The following SLC26A5 variants were observed in gnomAD, a reference collection of about 807,000 sequenced individuals.
SLC26A5 encodes prestin.
In SLC26A5, 51 loss-of-function variants were observed where a neutral mutation model predicts 81.0. The ratio of observed to expected loss-of-function variants is 0.63; its 90% CI spans 0.50 to 0.80. SLC26A5 has a LOEUF of 0.80. Ranked by LOEUF, SLC26A5 falls within the 30% of genes least tolerant of loss-of-function variation. SLC26A5 has a pLI of 0.00. For missense variants in SLC26A5, 771 were observed against 905.8 expected (o/e 0.85, Z 1.91); for synonymous variants, 325 against 332.8 (o/e 0.98, Z 0.25).
At chr7:103,440,969 T>C (rs1166672237) in intron 2 of SLC26A5, among the ~76,000 whole-genome samples, 1 of 152,178 alleles carries the variant, frequency 6.6e-6, no homozygotes, top group Non-Finnish European at 1.5e-5. Context: ...CAGCACTGCA[T>C]GCACTGTGTA....
chr7:103,362,657 A>G (rs1309089457), intron 19 of SLC26A5: 5 of 1,556,456 alleles, frequency 3.2e-6, no homozygotes, highest in Non-Finnish European at 4.4e-6. Flanking sequence ...TAAAGAATGT[A>G]TTAATGACTA....
chr7:103,443,379 A>G (rs1392351418), intron 1 of SLC26A5, among the ~76,000 whole-genome samples, 168 bp from the exon 2 acceptor site: 1 of 152,132 alleles, frequency 6.6e-6, no homozygotes, highest in East Asian at 1.9e-4. Flanking sequence ...GCGATAGACT[A>G]ATTATATATA....
chr7:103,393,646 T>C (rs1356510678), intron 9 of SLC26A5, among the ~76,000 whole-genome samples: 1 of 151,964 alleles, frequency 6.6e-6, no homozygotes, highest in East Asian at 1.9e-4. Context: ...AGCAGAAGAC[T>C]ATACTCCTTG....
At chr7:103,432,516 ATATT>A (rs1554349100) in intron 2 of SLC26A5, among the ~76,000 whole-genome samples, 1 of 152,198 alleles carries the variant, frequency 6.6e-6, no homozygotes, top group Non-Finnish European at 1.5e-5. Flanking sequence ...TTTTTTAAAA[ATATT>A]TAAAGCCTAT....
intron 19 of SLC26A5, among the ~76,000 whole-genome samples, chr7:103,356,684 T>C (rs1341217175): frequency 6.6e-6 from 1 of 152,382 alleles, no homozygotes; most frequent in East Asian, 1.9e-4. Context: ...ATTGTACATA[T>C]TGTCTTTTCT....
At chr7:103,380,969 TACC>T (rs981268835) in intron 14 of SLC26A5, among the ~76,000 whole-genome samples, 4 of 150,264 alleles carry the variant, frequency 2.7e-5, no homozygotes, top group South Asian at 2.1e-4. Flanking sequence ...CATGCATACA[TACC>T]ACATGTATAA....
In SLC26A5 at chr7:103,378,532, T is replaced by C. The variant is rs146547672; in HGVS notation, c.1699A>G (p.Ile567Val). ...ATGGCCTTTCTCCTTGCTCCCATGA[T>C]GACTGCTGGGTTCACTCCAGTCTTT... ...KRKTGVNPAV[I>V]MGARRKAMRK... is the part of the protein sequence containing the mutation. Residue 567 changes from isoleucine to valine, a missense_variant, in exon 17 of 20, where the codon ATC becomes GTC. By Grantham distance (29) the Ile-to-Val change is conservative. Coordinates refer to ENST00000306312, the MANE Select transcript of SLC26A5 (RefSeq NM_198999.3). The C allele has an allele frequency of 4.7e-4, 765 of 1,614,172 alleles. No homozygotes were observed. The highest frequency in any genetic ancestry group is 5.9e-4 in the Non-Finnish European group (700 of 1,180,000).
intron 2 of SLC26A5, among the ~76,000 whole-genome samples, chr7:103,430,358 C>G (rs150817608): frequency 6.6e-6 from 1 of 152,172 alleles, no homozygotes; most frequent in African/African-American, 2.4e-5. Context: ...GGATTACAGG[C>G]GTGAGCCAAC....
In SLC26A5 at chr7:103,391,162, C is replaced by A. The variant is rs746789406; in HGVS notation, c.1233+460G>T. On this transcript the variant is annotated intron_variant, in intron 11 of 19. Coordinates refer to ENST00000306312, the MANE Select transcript of SLC26A5 (RefSeq NM_198999.3). ...ACAGGCATGAGCTACCGCACTTGGC[C>A]GGCCATTTACATTTGTAAAAATTAA... is the stretch of plus-strand genomic sequence containing the variant. Among the ~76,000 whole-genome samples, 198 of 152,256 alleles carry A rather than the reference C, an allele frequency of 1.3e-3. 1 individual carries two copies. The highest frequency in any genetic ancestry group is 8.2e-4 in the Non-Finnish European group (56 of 68,030).
At chr7:103,435,390 C>T (rs750120916) in intron 2 of SLC26A5, among the ~76,000 whole-genome samples, 17 of 152,036 alleles carry the variant, frequency 1.1e-4, no homozygotes, top group Admixed American at 2.6e-4. Context: ...TTAAGGATTT[C>T]GTTTGTTTTT....
At chr7:103,383,291 G>T (rs991750914) in intron 14 of SLC26A5, among the ~76,000 whole-genome samples, 2 of 152,240 alleles carry the variant, frequency 1.3e-5, no homozygotes, top group South Asian at 2.1e-4. Flanking sequence ...AAGTACAGGA[G>T]TAGCTGAGAT....
At chr7:103,365,195 T>C (rs1820647468) in intron 19 of SLC26A5, among the ~76,000 whole-genome samples, 2 of 152,056 alleles carry the variant, frequency 1.3e-5, no homozygotes, top group South Asian at 4.1e-4. Flanking sequence ...GAATGGTTCC[T>C]TTATTTAACT....
At chr7:103,429,920 T>C (rs1322346904) in intron 2 of SLC26A5, among the ~76,000 whole-genome samples, 1 of 152,172 alleles carries the variant, frequency 6.6e-6, no homozygotes, top group African/African-American at 2.4e-5. Flanking sequence ...GCAAAAGTGA[T>C]TGTGGTTTTT....
intron 9 of SLC26A5, among the ~76,000 whole-genome samples, 167 bp downstream of exon 9, chr7:103,397,762 TTAC>T (rs564731099): frequency 3.3e-5 from 5 of 151,962 alleles, no homozygotes; most frequent in Non-Finnish European, 5.9e-5. Context: ...TATGTGTTTT[TTAC>T]TACAATAAAA....
intron 2 of SLC26A5, among the ~76,000 whole-genome samples, chr7:103,433,851 C>T (rs993020193): frequency 3.3e-5 from 5 of 151,692 alleles, no homozygotes; most frequent in Middle Eastern, 6.8e-3. Context: ...TACAGGTGCC[C>T]GCCACCACAC....
At chr7:103,426,364 G>T (rs1484498020) in intron 2 of SLC26A5, among the ~76,000 whole-genome samples, 2 of 152,190 alleles carry the variant, frequency 1.3e-5, no homozygotes, top group Admixed American at 1.3e-4. Context: ...GGTTGCCAGA[G>T]AAAATATAGA....
rs779860416 is a variant in SLC26A5, at chr7:103,421,511, C to A, written c.4G>T (p.Asp2Tyr). Residue 2 changes from aspartate (D) to tyrosine (Y), a missense_variant, in exon 3 of 20, where the codon GAT becomes TAT. By Grantham distance (160) the Asp-to-Tyr change is radical. Coordinates refer to ENST00000306312, the MANE Select transcript of SLC26A5 (RefSeq NM_198999.3). M[D>Y]HAEENEILAA... ...AGGATTTCATTTTCTTCAGCATGAT[C>A]CATAGTACTCTGAAATTATTCCTTA... 6.2e-6 allele frequency: 10 copies of A among 1,613,798 alleles called. No homozygotes were observed. Among genetic ancestry groups the A allele is most frequent in the Non-Finnish European group, 8.5e-6 (10 of 1,179,888 alleles).
intron 2 of SLC26A5, among the ~76,000 whole-genome samples, chr7:103,440,999 T>G (rs1430179655): frequency 6.6e-6 from 1 of 152,114 alleles, no homozygotes; most frequent in African/African-American, 2.4e-5. Flanking sequence ...GCAGGGAACA[T>G]GAGGGAATCA....
At chr7:103,405,355 G>A (rs537468183) in intron 8 of SLC26A5, among the ~76,000 whole-genome samples, 3 of 152,044 alleles carry the variant, frequency 2.0e-5, no homozygotes, top group Admixed American at 6.6e-5. Context: ...GGTGACCTTC[G>A]GATGGGGTTT....
Sources: gnomAD v4.1 joint callset for allele counts (sites outside exome capture counted in the v4.1 genomes callset) on GRCh38, gnomAD v4.1.1 for gene constraint, MANE v1.5 for transcripts, NCBI Gene and HGNC (gene_info 2026-07-23, HGNC 2026-07-21) for gene names.